PUM2: variants seen among roughly 807,000 people sequenced by gnomAD.
The protein encoded by PUM2 is pumilio RNA binding family member 2.
In PUM2, 57 loss-of-function variants were observed where a neutral mutation model predicts 124.5. That is an observed-to-expected ratio of 0.46 (90% CI 0.37 to 0.57). The LOEUF (loss-of-function observed/expected upper bound fraction) is 0.57, where lower values mean the gene tolerates loss of function less well. Ranked by LOEUF, PUM2 falls within the 20% of genes least tolerant of loss-of-function variation. The pLI is 0.00. For synonymous variants in PUM2, 460 were observed against 446.1 expected (o/e 1.03, Z -0.39); for missense variants, 1,065 against 1,290.6 (o/e 0.83, Z 2.68).
Position 20,318,587 on chromosome 2 carries a change from C to T in PUM2, c.110G>A (p.Gly37Asp), listed in dbSNP as rs372947789. 87 of 1,613,614 alleles carry T rather than the reference C, an allele frequency of 5.4e-5. No individual in the cohort carries two copies. Among genetic ancestry groups the T allele is most frequent in the Non-Finnish European group, 7.2e-5 (85 of 1,179,936 alleles). Residue 37 changes from glycine (G) to aspartate (D), a missense_variant, in exon 3 of 21, where the codon GGC (glycine) becomes GAC (aspartate). Transcript: ENST00000361078. ...CCATTCATCATCCCCAAGAAATATG[C>T]CTTTTTGTCCATCTTTTGTTGAATC... ...PDDSTKDGQK[G>D]IFLGDDEWRE...
At chr2:20,252,630 T>A (rs559551150) in intron 20 of PUM2, among the ~76,000 whole-genome samples, 2 of 152,348 alleles carry the variant, frequency 1.3e-5, no homozygotes, top group Non-Finnish European at 1.5e-5. Flanking sequence ...GTTTTCTTTA[T>A]AAGTTTTCCT....
chr2:20,325,624 C>CTTT (rs372989412), intron 2 of PUM2, among the ~76,000 whole-genome samples: 4 of 141,682 alleles, frequency 2.8e-5, no homozygotes, highest in Non-Finnish European at 3.1e-5. Context: ...CTCTCTTGTT[C>CTTT]TTTTTTTTTT....
At chr2:20,299,036 C>T (rs1215069467) in intron 7 of PUM2, among the ~76,000 whole-genome samples, 6 of 152,142 alleles carry the variant, frequency 3.9e-5, no homozygotes, top group Non-Finnish European at 8.8e-5. Context: ...GTATCCTTAA[C>T]AGTATCTTTC....
rs1572849329 is a variant in PUM2, at chr2:20,308,580, T to G, written c.523A>C (p.Thr175Pro). ...GGAGAGGCTTGACGACTTCCAGGAG[T>G]ACGACTACATAAAGAAAATAGAAAA... ...MDADCKDFNRTPGSRQASPTE... is the reference protein window; with the variant it reads ...MDADCKDFNRPPGSRQASPTE... The change falls in exon 6 of 21, where the codon ACT (threonine) becomes CCT (proline). Residue 175 changes from threonine to proline, a missense_variant. Transcript: ENST00000361078. 1 of 1,595,758 alleles carries G rather than the reference T, an allele frequency of 6.3e-7. No homozygotes were observed. Among genetic ancestry groups the G allele is most frequent in the Non-Finnish European group, 8.5e-7 (1 of 1,172,504 alleles).
intron 7 of PUM2, among the ~76,000 whole-genome samples, chr2:20,298,882 T>A (rs11895228): frequency 0.29 from 43,498 of 152,024 alleles, 6,550 homozygotes; most frequent in Middle Eastern, 0.35. Flanking sequence ...GTAATATTTT[T>A]AAAAAGCATT....
At chr2:20,350,945 C>G (rs1229830319), upstream of PUM2, 4 of 249,542 alleles carry the variant, frequency 1.6e-5, no homozygotes, top group African/African-American at 6.9e-5. Context: ...TCCCTGCTCC[C>G]GCGCTGCCGC....
chr2:20,311,063 C>T (rs1679484145), intron 5 of PUM2, among the ~76,000 whole-genome samples: 4 of 151,898 alleles, frequency 2.6e-5, no homozygotes, highest in Admixed American at 2.0e-4. Flanking sequence ...CTAATTTTGT[C>T]TCCTCTTAAA....
Position 20,350,751 on chromosome 2 carries a change from T to TCTCCTC in PUM2, c.-179_-174dup. ...CTCCCCCCCCACCCCACCTCCTCCT[T>TCTCCTC]CTCCTCCCCCTCCTCCTCCGAACCA... On this transcript the variant is annotated 5_prime_UTR_variant, in exon 1 of 21. Coordinates refer to ENST00000361078, the MANE Select transcript of PUM2 (RefSeq NM_015317.5). The TCTCCTC allele has an allele frequency of 1.3e-6, 1 of 771,004 alleles. No homozygotes were observed. The highest frequency in any genetic ancestry group is 3.6e-5 in the African/African-American group (1 of 27,634). The allele number at this position is 771,004 out of a possible 1,614,324, so 47.8% of individuals were successfully genotyped here. A position where few individuals can be genotyped will look rare whatever the true frequency, so the allele number is the denominator to read the frequency against.
intron 5 of PUM2, among the ~76,000 whole-genome samples, chr2:20,310,325 A>G (rs531624726): frequency 6.6e-6 from 1 of 152,172 alleles, no homozygotes; most frequent in East Asian, 1.9e-4. Context: ...GAGACGTATA[A>G]CCTCTCACAC....
intron 13 of PUM2, among the ~76,000 whole-genome samples, chr2:20,268,851 CTT>C (rs1410786064): frequency 6.6e-6 from 1 of 151,858 alleles, no homozygotes; most frequent in African/African-American, 2.4e-5. Flanking sequence ...AAGTATAAAT[CTT>C]TTTTTGTTTC....
rs539473049 is a variant in PUM2 at position 20,280,053 on chromosome 2, T to C, written c.1721-1234A>G. On this transcript the variant is annotated intron_variant, in intron 12 of 20. Transcript: ENST00000361078. ...TTAAATCTTATTTAAGCACAAGTCA[T>C]ATATAAATAGGTCATACAGGGTATA... Among the ~76,000 whole-genome samples, 6 of 152,220 alleles carry C rather than the reference T, an allele frequency of 3.9e-5. No individual in the cohort carries two copies. The South Asian group carries it at 1.2e-3, about 32-fold the overall frequency.
intron 14 of PUM2, among the ~76,000 whole-genome samples, chr2:20,262,842 C>G (rs1434041149): frequency 6.6e-6 from 1 of 152,130 alleles, no homozygotes; most frequent in Non-Finnish European, 1.5e-5. Flanking sequence ...TAATGCAACA[C>G]AAAGGCATTT....
intron 2 of PUM2, among the ~76,000 whole-genome samples, chr2:20,319,811 T>G (rs1298097351): frequency 1.3e-5 from 2 of 152,184 alleles, no homozygotes; most frequent in Non-Finnish European, 2.9e-5. Context: ...GCTAAGGAAG[T>G]TAGATGCTCT....
chr2:20,302,386 A>C (rs1677210618), intron 7 of PUM2, among the ~76,000 whole-genome samples: 1 of 152,216 alleles, frequency 6.6e-6, no homozygotes, highest in Admixed American at 6.5e-5. Flanking sequence ...ATTTTTTAAA[A>C]ATTTTGTTTT....
At chr2:20,300,531 T>A (rs559197650) in intron 7 of PUM2, among the ~76,000 whole-genome samples, 1 of 152,320 alleles carries the variant, frequency 6.6e-6, no homozygotes, top group Non-Finnish European at 1.5e-5. Context: ...TTATTTTGGT[T>A]TATACTTTCT....
chr2:20,334,023 C>T (rs1362921086), intron 1 of PUM2, among the ~76,000 whole-genome samples: 1 of 152,110 alleles, frequency 6.6e-6, no homozygotes, highest in Non-Finnish European at 1.5e-5. Flanking sequence ...CCGAGGCCTC[C>T]CCAGAAGTAG....
intron 13 of PUM2, among the ~76,000 whole-genome samples, chr2:20,276,533 TA>T (rs141765557): frequency 0.017 from 2,626 of 152,214 alleles, 72 homozygotes; most frequent in African/African-American, 0.06. Context: ...AAAATTACTT[TA>T]AAAATATGCA....
At position 20,255,358 on chromosome 2, in the gene PUM2, G is replaced by T. The variant is rs1426781455; in HGVS notation, c.2623-17C>A. On this transcript the variant is annotated splice_polypyrimidine_tract_variant and intron_variant, in intron 17 of 20. Transcript: ENST00000361078. The stretch of plus-strand genomic sequence containing the variant: ...CACAAATACCTGAGGACAATTAGAA[G>T]AATTAAAATTTGTATTCTCTGACAT... The T allele has an allele frequency of 1.3e-6, 2 of 1,596,636 alleles. No individual in the cohort carries two copies. The highest frequency in any genetic ancestry group is 1.1e-5 in the South Asian group (1 of 89,926).
At chr2:20,348,321 TGA>T (rs1688645748) in intron 1 of PUM2, among the ~76,000 whole-genome samples, 1 of 152,180 alleles carries the variant, frequency 6.6e-6, no homozygotes, top group South Asian at 2.1e-4. Context: ...CAAAGCCATG[TGA>T]GACTCAAATA....
Sources: gnomAD v4.1 joint callset for allele counts (sites outside exome capture counted in the v4.1 genomes callset) on GRCh38, gnomAD v4.1.1 for gene constraint, MANE v1.5 for transcripts, NCBI Gene and HGNC (gene_info 2026-07-23, HGNC 2026-07-21) for gene names.